LONP2: variants seen among roughly 807,000 people sequenced by gnomAD.
LONP2 encodes the protein lon protease homolog 2, peroxisomal.
LONP2 carries 60 observed loss-of-function variants against 85.6 expected under a neutral mutation model. The observed-to-expected ratio is 0.70, with a 90% CI of 0.57 to 0.87. The LOEUF is 0.87. LONP2 is among the 40% of genes least tolerant of loss of function. LONP2 has a pLI of 0.00. For missense variants in LONP2, 860 were observed against 1,063.5 expected (o/e 0.81, Z 2.66); for synonymous variants, 395 against 389.7 (o/e 1.01, Z -0.16).
At chr16:48,272,997 G>A (rs957922015) in intron 7 of LONP2, among the ~76,000 whole-genome samples, 3 of 152,094 alleles carry the variant, frequency 2.0e-5, no homozygotes, top group Non-Finnish European at 4.4e-5. Context: ...TGTGCCTGGG[G>A]GAACATGTGG....
intron 6 of LONP2, among the ~76,000 whole-genome samples, chr16:48,269,163 T>C (rs1250958364): frequency 2.6e-5 from 4 of 152,122 alleles, no homozygotes; most frequent in African/African-American, 9.7e-5. Context: ...TTGATACAAC[T>C]TTCTGTGTGG....
intron 2 of LONP2, among the ~76,000 whole-genome samples, chr16:48,255,718 G>A (rs1326423540): frequency 6.6e-6 from 1 of 152,016 alleles, no homozygotes; most frequent in East Asian, 1.9e-4. Context: ...CTGTTCTCTT[G>A]GTGGTGAATA....
chr16:48,258,576 G>C, intron 3 of LONP2, 42 bp from the exon 4 acceptor site: 1 of 1,549,952 alleles, frequency 6.5e-7, no homozygotes, highest in Non-Finnish European at 8.7e-7. Flanking sequence ...TGGATTGTGT[G>C]TTTCTGAGAG....
chr16:48,252,393 C>T (rs1239240108), intron 2 of LONP2, 28 bp downstream of exon 2: 2 of 1,451,298 alleles, frequency 1.4e-6, no homozygotes, highest in Non-Finnish European at 1.9e-6. Flanking sequence ...TTTCTTAAAA[C>T]CCATTTTTCT....
intron 11 of LONP2, among the ~76,000 whole-genome samples, chr16:48,330,775 G>A (rs554015826): frequency 6.8e-4 from 104 of 152,286 alleles, no homozygotes; most frequent in Middle Eastern, 3.4e-3. Context: ...ATATTCTAAT[G>A]ATGGAACATT....
intron 12 of LONP2, chr16:48,345,367 T>C (rs1471367025): frequency 6.6e-6 from 1 of 152,228 alleles, no homozygotes; most frequent in Non-Finnish European, 1.5e-5. Flanking sequence ...CCAAATGACT[T>C]TTTGTGTTAA....
At chr16:48,251,019 G>A (rs1006860794) in intron 1 of LONP2, among the ~76,000 whole-genome samples, 19 of 152,202 alleles carry the variant, frequency 1.2e-4, no homozygotes, top group African/African-American at 2.9e-4. Context: ...AAGGATAGAC[G>A]TAGTTCAGAA....
chr16:48,307,096 G>A (rs960150286), intron 11 of LONP2, among the ~76,000 whole-genome samples: 2 of 152,174 alleles, frequency 1.3e-5, no homozygotes, highest in African/African-American at 4.8e-5. Context: ...CTTTGTATTT[G>A]TGGGGTCTTA....
In LONP2 at chr16:48,262,835, A is replaced by T. The variant is rs141383557; in HGVS notation, c.945A>T (p.Glu315Asp). ...ATGCTCTGACTAGAAATTATTTGGA[A>T]CTTATGGTAGAACTTCCTTGGAACA... is the stretch of plus-strand genomic sequence containing the variant. ...PEYALTRNYL[E>D]LMVELPWNKS... is the part of the protein sequence containing the mutation. Residue 315 changes from glutamate to aspartate, a missense_variant, in exon 6 of 15, where the codon GAA (glutamate) becomes GAT (aspartate). Physicochemically the swap from Glu to Asp is conservative, Grantham distance 45 (BLOSUM62 2). Coordinates refer to ENST00000285737, the MANE Select transcript of LONP2 (RefSeq NM_031490.5). The T allele has an allele frequency of 1.7e-4, 279 of 1,611,938 alleles. No individual in the cohort carries two copies. The highest frequency in any genetic ancestry group is 2.3e-4 in the Non-Finnish European group (273 of 1,178,942).
At chr16:48,303,110 T>G (rs569566935) in intron 10 of LONP2, 62 bp from the exon 11 acceptor site, 1 of 1,570,674 alleles carries the variant, frequency 6.4e-7, no homozygotes. Flanking sequence ...GTTAATCACA[T>G]TACCTCTCTA....
intron 2 of LONP2, among the ~76,000 whole-genome samples, chr16:48,255,392 A>C (rs1971737675): frequency 6.6e-6 from 1 of 152,216 alleles, no homozygotes. Flanking sequence ...TTTAAGACTC[A>C]TAGACACACC....
At chr16:48,253,839 G>A (rs867510862) in intron 2 of LONP2, among the ~76,000 whole-genome samples, 4 of 152,116 alleles carry the variant, frequency 2.6e-5, no homozygotes, top group South Asian at 2.1e-4. Flanking sequence ...ATTTTTGTTC[G>A]TCTTCTGGGC....
intron 1 of LONP2, chr16:48,247,642 T>A (rs1971485063): frequency 6.6e-6 from 1 of 152,276 alleles, no homozygotes; most frequent in Non-Finnish European, 1.5e-5. Context: ...TGCATTTTTC[T>A]GCTTAGTAGA....
At chr16:48,325,484 A>C (rs1449859413) in intron 11 of LONP2, among the ~76,000 whole-genome samples, 1 of 152,202 alleles carries the variant, frequency 6.6e-6, no homozygotes, top group African/African-American at 2.4e-5. Flanking sequence ...ACTTCTTTAG[A>C]TTCCACATAT....
At chr16:48,305,108 G>T (rs1455480394) in intron 11 of LONP2, among the ~76,000 whole-genome samples, 1 of 152,198 alleles carries the variant, frequency 6.6e-6, no homozygotes, top group Admixed American at 6.5e-5. Context: ...AACCTCACTG[G>T]TTCATTTTCT....
At chr16:48,264,978 TA>T (rs1971960679) in intron 6 of LONP2, among the ~76,000 whole-genome samples, 1 of 152,170 alleles carries the variant, frequency 6.6e-6, no homozygotes, top group Non-Finnish European at 1.5e-5. Context: ...TTTTTTTAAA[TA>T]ATGGCCATCC....
At chr16:48,299,592 A>G in intron 9 of LONP2, 70 bp from the exon 10 acceptor site, 1 of 1,541,142 alleles carries the variant, frequency 6.5e-7, no homozygotes, top group Non-Finnish European at 8.8e-7. Flanking sequence ...TAAAAAAAAA[A>G]ACAAAAAACA....
chr16:48,280,763 C>T (rs1972309555), intron 8 of LONP2, among the ~76,000 whole-genome samples: 1 of 152,190 alleles, frequency 6.6e-6, no homozygotes, highest in Non-Finnish European at 1.5e-5. Flanking sequence ...CTCTTCCTCC[C>T]TGCTTGCCCA....
rs139248619 is a variant in LONP2, at chr16:48,299,322, T to C, written c.1535-340T>C. On this transcript the variant is annotated intron_variant, in intron 9 of 14. Coordinates refer to ENST00000285737, the MANE Select transcript of LONP2 (RefSeq NM_031490.5). ...GGCACTGGCTGGGAGCAGTGACTCATGCCTATAATCTCAGCACTTTGGGAG... is the reference window on the plus strand; with the variant it reads ...GGCACTGGCTGGGAGCAGTGACTCACGCCTATAATCTCAGCACTTTGGGAG... Among the ~76,000 whole-genome samples the C allele has an allele frequency of 3.9e-5, 6 of 152,184 alleles. No individual in the cohort carries two copies. The East Asian group carries it at 1.2e-3, about 30-fold the overall frequency.
Sources: gnomAD v4.1 joint callset for allele counts (sites outside exome capture counted in the v4.1 genomes callset) on GRCh38, gnomAD v4.1.1 for gene constraint, MANE v1.5 for transcripts, NCBI Gene and HGNC (gene_info 2026-07-23, HGNC 2026-07-21) for gene names.